FBXW8: variants seen among roughly 807,000 people sequenced by gnomAD.
FBXW8 encodes F-box/WD repeat-containing protein 8.
A neutral mutation model predicts 65.3 loss-of-function variants in FBXW8; 57 were observed. The observed-to-expected ratio is 0.87, with a 90% CI of 0.71 to 1.09. The LOEUF (loss-of-function observed/expected upper bound fraction) is 1.09, where lower values mean the gene tolerates loss of function less well. Ranked by LOEUF, FBXW8 falls within the 50% of genes least tolerant of loss-of-function variation. FBXW8 has a pLI of 0.00. For synonymous variants in FBXW8, 308 were observed against 330.2 expected (o/e 0.93, Z 0.73); for missense variants, 777 against 814.8 (o/e 0.95, Z 0.57).
intron 5 of FBXW8, among the ~76,000 whole-genome samples, chr12:116,971,177 A>G (rs560856558): frequency 1.3e-5 from 2 of 152,164 alleles, no homozygotes; most frequent in Non-Finnish European, 2.9e-5. Context: ...AGCCTGGGCA[A>G]CATAGTGAGC....
chr12:116,941,748 C>T (rs1038835170), intron 2 of FBXW8, among the ~76,000 whole-genome samples: 3 of 152,072 alleles, frequency 2.0e-5, no homozygotes, highest in African/African-American at 7.2e-5. Flanking sequence ...ACCTCTGTCC[C>T]TTCATCACTG....
At chr12:116,935,109 G>A (rs1435019230) in intron 2 of FBXW8, among the ~76,000 whole-genome samples, 1 of 152,130 alleles carries the variant, frequency 6.6e-6, no homozygotes, top group South Asian at 2.1e-4. Flanking sequence ...ATGATGTCAT[G>A]TTTATCAAGT....
intron 6 of FBXW8, chr12:116,985,850 C>G (rs958280989): frequency 1.9e-5 from 3 of 154,224 alleles, no homozygotes; most frequent in African/African-American, 7.2e-5. Flanking sequence ...CATCCCAAGA[C>G]TGTCTCACCT....
intron 7 of FBXW8, among the ~76,000 whole-genome samples, chr12:117,005,949 A>T (rs914367202): frequency 1.1e-4 from 16 of 152,142 alleles, no homozygotes; most frequent in African/African-American, 3.4e-4. Flanking sequence ...CCAGCACAGC[A>T]CCTCCTAACC....
At chr12:117,010,272 T>C (rs111657298) in intron 7 of FBXW8, 51 bp from the exon 8 acceptor site, 1 of 1,611,932 alleles carries the variant, frequency 6.2e-7, no homozygotes, top group Admixed American at 1.7e-5. Context: ...GTATTTGATG[T>C]CGGCCTGGTG....
At chr12:116,987,585 A>G (rs1885808584) in intron 6 of FBXW8, among the ~76,000 whole-genome samples, 1 of 152,182 alleles carries the variant, frequency 6.6e-6, no homozygotes, top group Non-Finnish European at 1.5e-5. Flanking sequence ...AAACCAGGAG[A>G]CAGCAGATCA....
In FBXW8 at chr12:116,968,680, C is replaced by T. The variant is rs117389144; in HGVS notation, c.835+3826C>T. On this transcript the variant is annotated intron_variant, in intron 5 of 10. Coordinates refer to ENST00000652555, the MANE Select transcript of FBXW8 (RefSeq NM_153348.3). ...ACTATTTTATGCTCTTACCAGCAAGCCATGAGAGTGTGCCCGCTTCCTCAC... is the reference window on the plus strand; with the variant it reads ...ACTATTTTATGCTCTTACCAGCAAGTCATGAGAGTGTGCCCGCTTCCTCAC... Among the ~76,000 whole-genome samples, 1,443 of 152,294 alleles carry T rather than the reference C, an allele frequency of 9.5e-3. 11 individuals are homozygous for T. The highest frequency in any genetic ancestry group is 0.024 in the Middle Eastern group (7 of 294).
intron 3 of FBXW8, chr12:116,949,333 A>T (rs1435822381): frequency 4.8e-6 from 2 of 416,812 alleles, no homozygotes; most frequent in African/African-American, 4.0e-5. Flanking sequence ...ATTGGTGAGC[A>T]CATATTTGCT....
intron 4 of FBXW8, among the ~76,000 whole-genome samples, chr12:116,964,107 A>G (rs1884160890): frequency 6.6e-6 from 1 of 152,244 alleles, no homozygotes; most frequent in Non-Finnish European, 1.5e-5. Context: ...AAAACCGGGC[A>G]GTGTCGCGCA....
At chr12:117,006,609 G>T (rs570326951) in intron 7 of FBXW8, among the ~76,000 whole-genome samples, 1 of 152,384 alleles carries the variant, frequency 6.6e-6, no homozygotes, top group Admixed American at 6.5e-5. Flanking sequence ...GACACCAGCT[G>T]CCAGGACATG....
Position 116,976,782 on chromosome 12 carries a change from A to G in FBXW8, c.836-8424A>G, listed in dbSNP as rs377536846. Among the ~76,000 whole-genome samples the G allele has an allele frequency of 3.9e-5, 6 of 152,330 alleles. No individual in the cohort carries two copies. The South Asian group carries it at 1.2e-3, about 32-fold the overall frequency. On this transcript the variant is annotated intron_variant, in intron 5 of 10. Transcript: ENST00000652555. Reference sequence around the variant, plus strand: ...ATTTTATTTTAAAATGTCAACATTTACAAACATGCCAGATGTTACGTTTTT... The same window carrying G: ...ATTTTATTTTAAAATGTCAACATTTGCAAACATGCCAGATGTTACGTTTTT...
chr12:117,010,303 C>A lies in FBXW8; in HGVS notation c.1240-20C>A. ...TGGTGTGTGGAATTGTGGGCCCACA[C>A]ATTTCTCTTCCTCTCTCAGATCCTG... is the stretch of plus-strand genomic sequence containing the variant. On this transcript the variant is annotated intron_variant, in intron 7 of 10. Transcript: ENST00000652555. 6.2e-7 allele frequency: 1 copy of A among 1,614,168 alleles called. No homozygotes were observed. The highest frequency in any genetic ancestry group is 8.5e-7 in the Non-Finnish European group (1 of 1,180,016).
At chr12:116,971,682 T>G (rs1452597914) in intron 5 of FBXW8, among the ~76,000 whole-genome samples, 1 of 152,200 alleles carries the variant, frequency 6.6e-6, no homozygotes, top group African/African-American at 2.4e-5. Flanking sequence ...CTGTGAGATC[T>G]GTAGGAATTT....
At chr12:116,917,391 A>G (rs1880511679) in intron 1 of FBXW8, among the ~76,000 whole-genome samples, 1 of 152,154 alleles carries the variant, frequency 6.6e-6, no homozygotes, top group Non-Finnish European at 1.5e-5. Flanking sequence ...ACTCCCTAGA[A>G]TCTTTAACAG....
At chr12:116,912,002 C>G (rs933447682) in intron 1 of FBXW8, among the ~76,000 whole-genome samples, 1 of 151,934 alleles carries the variant, frequency 6.6e-6, no homozygotes, top group African/African-American at 2.4e-5. Context: ...ACCCTGTGTC[C>G]GTTAAAAATA....
chr12:117,013,829 A>AT, intron 8 of FBXW8, among the ~76,000 whole-genome samples: 1 of 152,142 alleles, frequency 6.6e-6, no homozygotes, highest in African/African-American at 2.4e-5. Flanking sequence ...ATGAATTAAT[A>AT]GCTTAGGAAT....
chr12:116,965,056 G>A (rs1884230899), intron 5 of FBXW8, among the ~76,000 whole-genome samples: 1 of 152,220 alleles, frequency 6.6e-6, no homozygotes, highest in South Asian at 2.1e-4. Flanking sequence ...TTGGAACACA[G>A]CACCCATTAA....
At position 117,028,448 on chromosome 12, in the gene FBXW8, G is replaced by A. The variant is rs189705144; in HGVS notation, c.*276G>A. ...ACCCTGGCCTCAGCTCCCTCAGGAC[G>A]CCTCAGGGATCTCGCTGCGCGGTCC... On this transcript the variant is annotated 3_prime_UTR_variant, in exon 11 of 11. Coordinates refer to ENST00000652555, the MANE Select transcript of FBXW8 (RefSeq NM_153348.3). This position sits in a 1 kb window ranked among gnomAD's most constrained non-coding sequence, Gnocchi z 4.1. The A allele has an allele frequency of 3.0e-5, 15 of 492,128 alleles. No individual in the cohort carries two copies. The highest frequency in any genetic ancestry group is 4.4e-5 in the Non-Finnish European group (12 of 269,668). The allele number at this position is 492,128 out of a possible 1,614,324, so 30.5% of individuals were successfully genotyped here.
intron 6 of FBXW8, 101 bp from the exon 7 acceptor site, chr12:116,988,562 G>T: frequency 2.0e-6 from 2 of 998,640 alleles, no homozygotes; most frequent in African/African-American, 1.6e-5. Flanking sequence ...ATCTTTTTCT[G>T]TTGGGTTGCT....
Sources: gnomAD v4.1 joint callset for allele counts (sites outside exome capture counted in the v4.1 genomes callset) on GRCh38, gnomAD v4.1.1 for gene constraint, Gnocchi (gnomAD v3.1) non-coding constraint, MANE v1.5 for transcripts, NCBI Gene and HGNC (gene_info 2026-07-23, HGNC 2026-07-21) for gene names.